The following NEK10 variants were observed in gnomAD, a reference collection of about 807,000 sequenced individuals.
NEK10 encodes serine/threonine-protein kinase Nek10.
NEK10 carries 122 observed loss-of-function variants against 159.8 expected under a neutral mutation model. The ratio of observed to expected loss-of-function variants is 0.76; its 90% CI spans 0.66 to 0.89. The LOEUF (loss-of-function observed/expected upper bound fraction) is 0.89. Ranked by LOEUF, NEK10 falls within the 40% of genes least tolerant of loss-of-function variation. The pLI, the probability that NEK10 is intolerant of heterozygous loss-of-function variation, is 0.00. For missense variants in NEK10, 1,342 were observed against 1,323.1 expected, an observed-to-expected ratio of 1.01 and a Z score of -0.22; for synonymous variants, 466 against 457.1, an observed-to-expected ratio of 1.02 and a Z score of -0.25.
intron 23 of NEK10, among the ~76,000 whole-genome samples, chr3:27,206,165 C>T (rs1950523823): frequency 6.6e-6 from 1 of 152,146 alleles, no homozygotes; most frequent in Non-Finnish European, 1.5e-5. Context: ...TTTAGAGAGA[C>T]ACAAGCATTC....
intron 30 of NEK10, among the ~76,000 whole-genome samples, chr3:27,144,914 G>A (rs1393020119): frequency 6.6e-6 from 1 of 151,936 alleles, no homozygotes; most frequent in Non-Finnish European, 1.5e-5. Context: ...TAGAGACAGG[G>A]TTTCACCACA....
intron 6 of NEK10, among the ~76,000 whole-genome samples, chr3:27,315,074 G>A (rs147080472): frequency 6.6e-6 from 1 of 152,204 alleles, no homozygotes; most frequent in African/African-American, 2.4e-5. Flanking sequence ...TCTACTAATA[G>A]TAAGTGCTCT....
At chr3:27,203,852 G>A (rs1334662955) in intron 23 of NEK10, among the ~76,000 whole-genome samples, 1 of 152,128 alleles carries the variant, frequency 6.6e-6, no homozygotes, top group African/African-American at 2.4e-5. Context: ...TGATTTCTAG[G>A]TCTATCAGTT....
At chr3:27,122,488 T>C (rs1941453951) in intron 32 of NEK10, among the ~76,000 whole-genome samples, 1 of 152,186 alleles carries the variant, frequency 6.6e-6, no homozygotes, top group African/African-American at 2.4e-5. Context: ...TTAAAAACTT[T>C]CTCATCTGTG....
intron 4 of NEK10, among the ~76,000 whole-genome samples, chr3:27,345,196 T>C (rs894744204): frequency 6.6e-6 from 1 of 152,200 alleles, no homozygotes; most frequent in Non-Finnish European, 1.5e-5. Flanking sequence ...TATGTTGCCA[T>C]GCGTAATGTT....
intron 16 of NEK10, 60 bp from the exon 17 acceptor site, chr3:27,291,646 CT>C: frequency 1.0e-6 from 1 of 987,996 alleles, no homozygotes; most frequent in South Asian, 1.3e-5. Flanking sequence ...CATTACTTCC[CT>C]TTTTTATTTT....
intron 33 of NEK10, 120 bp downstream of exon 33, chr3:27,119,640 T>C (rs937336340): frequency 1.4e-6 from 1 of 714,730 alleles, no homozygotes; most frequent in African/African-American, 1.8e-5. Context: ...ACTATTGCTA[T>C]AAATAATCAA....
chr3:27,351,659 T>C (rs541104956), intron 3 of NEK10, among the ~76,000 whole-genome samples: 1 of 152,224 alleles, frequency 6.6e-6, no homozygotes, highest in East Asian at 1.9e-4. Context: ...ATGTGATTGA[T>C]ATAACAAAAA....
At position 27,331,559 on chromosome 3, in the gene NEK10, A is replaced by C. The variant is rs2046420868; in HGVS notation, c.363-9298T>G. 2.0e-5 allele frequency among the ~76,000 whole-genome samples: 3 copies of C among 152,176 alleles called. 1 individual carries two copies. The South Asian group carries it at 6.2e-4, about 32-fold the overall frequency. On this transcript the variant is annotated intron_variant, in intron 5 of 35. Transcript: ENST00000691995. Reference sequence around the variant, plus strand: ...CTGCATCCTAACTTCTGGTCCTCTCATCTAACCTCCCTCTGCGATGGAGTC... The same window carrying C: ...CTGCATCCTAACTTCTGGTCCTCTCCTCTAACCTCCCTCTGCGATGGAGTC...
At chr3:27,219,273 C>T (rs972125713) in intron 23 of NEK10, among the ~76,000 whole-genome samples, 2 of 152,186 alleles carry the variant, frequency 1.3e-5, no homozygotes, top group Non-Finnish European at 2.9e-5. Context: ...TGGGTCCAAA[C>T]TACAAACCTA....
chr3:27,139,724 A>G (rs1001297534), intron 31 of NEK10, among the ~76,000 whole-genome samples: 1 of 152,182 alleles, frequency 6.6e-6, no homozygotes, highest in Non-Finnish European at 1.5e-5. Context: ...TGATGAGGGT[A>G]AAATGCCAGA....
At chr3:27,133,686 G>C (rs1575442876) in intron 31 of NEK10, among the ~76,000 whole-genome samples, 1 of 152,176 alleles carries the variant, frequency 6.6e-6, no homozygotes, top group East Asian at 1.9e-4. Context: ...AGGCAGGACA[G>C]TTGCTTGAAC....
At chr3:27,239,497 C>T (rs1954313205) in intron 23 of NEK10, among the ~76,000 whole-genome samples, 1 of 152,090 alleles carries the variant, frequency 6.6e-6, no homozygotes, top group African/African-American at 2.4e-5. Context: ...TTTTAATTTG[C>T]TTCATCAGTC....
rs555499639 is a variant in NEK10, at chr3:27,192,110, T to C, written c.2424A>G (p.Glu808=). 21 of 1,614,226 alleles carry C rather than the reference T, an allele frequency of 1.3e-5. No individual in the cohort carries two copies. Among genetic ancestry groups the C allele is most frequent in the Non-Finnish European group, 1.8e-5 (21 of 1,180,040 alleles). ...TAAAATACCTTTGTGTGCGTCTTCG[T>C]TCCCGTTCTAGCTTCTTTTCCAAGG... The part of the protein sequence containing the change: ...QLSLEKKLER[E]RRRTQRYFME... Residue 808 remains glutamate (E), a synonymous_variant, in exon 26 of 36, where the codon GAA becomes GAG. Transcript: ENST00000691995.
intron 23 of NEK10, among the ~76,000 whole-genome samples, chr3:27,238,081 G>C (rs1164367828): frequency 2.0e-5 from 3 of 152,152 alleles, no homozygotes; most frequent in Non-Finnish European, 4.4e-5. Flanking sequence ...GGCTAACTTT[G>C]CCACAGATAA....
chr3:27,302,597 C>CCATAATAGTTCTT (rs1319864371), intron 12 of NEK10, among the ~76,000 whole-genome samples: 11 of 152,140 alleles, frequency 7.2e-5, no homozygotes, highest in Admixed American at 7.2e-4. Context: ...ACACTTTCTT[C>CCATAATAGTTCTT]CATAATAGTT....
chr3:27,194,300 T>G (rs1238621992), intron 25 of NEK10: 1 of 152,226 alleles, frequency 6.6e-6, no homozygotes, highest in African/African-American at 2.4e-5. Context: ...CTAATTTTTT[T>G]GTATTTTTAG....
intron 31 of NEK10, 85 bp from the exon 32 acceptor site, chr3:27,132,075 G>A (rs1055043961): frequency 2.9e-6 from 2 of 681,422 alleles, no homozygotes; most frequent in African/African-American, 3.6e-5. Context: ...GAGGGCCCAT[G>A]TAACAATATT....
At chr3:27,258,436 G>A (rs1165168318) in intron 22 of NEK10, among the ~76,000 whole-genome samples, 1 of 139,974 alleles carries the variant, frequency 7.1e-6, no homozygotes, top group Non-Finnish European at 1.5e-5. Flanking sequence ...TGTTCTCATT[G>A]TTCAATTCCC....
Sources: gnomAD v4.1 joint callset for allele counts (sites outside exome capture counted in the v4.1 genomes callset) on GRCh38, gnomAD v4.1.1 for gene constraint, MANE v1.5 for transcripts, NCBI Gene and HGNC (gene_info 2026-07-23, HGNC 2026-07-21) for gene names.